Variants in GSE1 observed in about 807,000 individuals in gnomAD.
GSE1 encodes Gse1 coiled-coil protein, also known as genetic suppressor element 1.
A neutral mutation model predicts 112.6 loss-of-function variants in GSE1; 32 were observed. That is an observed-to-expected ratio of 0.28 (90% CI 0.21 to 0.38). The LOEUF is 0.38. GSE1 is among the 10% of genes least tolerant of loss of function. The probability of loss-of-function intolerance (pLI) is 1.00; values close to 1 mark genes in which losing one functional copy is unlikely to be tolerated. For synonymous variants in GSE1, 1,115 were observed against 735.6 expected (o/e 1.52, Z -8.35); for missense variants, 2,348 against 1,699.2 (o/e 1.38, Z -6.71).
chr16:85,658,644 C>G (rs895184670), intron 8 of GSE1, among the ~76,000 whole-genome samples: 1 of 152,204 alleles, frequency 6.6e-6, no homozygotes, highest in African/African-American at 2.4e-5. Flanking sequence ...GTGGCTCACA[C>G]TGCCCGGCAC....
At chr16:85,342,227 A>G (rs2046638956) in intron 1 of GSE1, among the ~76,000 whole-genome samples, 1 of 152,202 alleles carries the variant, frequency 6.6e-6, no homozygotes, top group Non-Finnish European at 1.5e-5. Context: ...CACTGTAGCC[A>G]GTGCATCCGG....
chr16:85,218,089 A>G (rs1458695178), intron 1 of GSE1, among the ~76,000 whole-genome samples: 1 of 151,918 alleles, frequency 6.6e-6, no homozygotes, highest in Non-Finnish European at 1.5e-5. Context: ...TTTAGTAGAG[A>G]TGGGGTTTCA....
intron 2 of GSE1, among the ~76,000 whole-genome samples, chr16:85,503,959 C>G (rs1410479221): frequency 6.6e-6 from 1 of 152,172 alleles, no homozygotes; most frequent in East Asian, 1.9e-4. Flanking sequence ...TTTTTGCTCC[C>G]TTCATTAGGA....
chr16:85,331,543 G>GTGTATATGTGTGTATATA (rs1555563812), intron 1 of GSE1, among the ~76,000 whole-genome samples: 4 of 126,276 alleles, frequency 3.2e-5, no homozygotes, highest in Admixed American at 8.8e-5. Flanking sequence ...ATGTGTATAT[G>GTGTATATGTGTGTATATA]TGTGTATATA....
intron 1 of GSE1, among the ~76,000 whole-genome samples, chr16:85,340,485 C>CA (rs904253078): frequency 9.9e-5 from 15 of 152,020 alleles, no homozygotes; most frequent in South Asian, 2.1e-4. Context: ...ACTAAAAATA[C>CA]AAAAAATTAG....
chr16:85,438,408 G>A (rs928999310), intron 2 of GSE1, among the ~76,000 whole-genome samples: 5 of 152,188 alleles, frequency 3.3e-5, no homozygotes, highest in South Asian at 2.1e-4. Flanking sequence ...CTTGGTACCC[G>A]CGCCTGCCCA....
At chr16:85,399,740 C>T (rs531845044) in intron 2 of GSE1, among the ~76,000 whole-genome samples, 2 of 152,282 alleles carry the variant, frequency 1.3e-5, no homozygotes, top group East Asian at 3.9e-4. Context: ...CTACACTTGG[C>T]GGGGTGCACA....
intron 2 of GSE1, among the ~76,000 whole-genome samples, chr16:85,414,581 G>A (rs1312953296): frequency 2.0e-5 from 3 of 152,232 alleles, no homozygotes; most frequent in African/African-American, 7.2e-5. Flanking sequence ...CTTTGGAGAA[G>A]GGAGACAGCA....
intron 2 of GSE1, among the ~76,000 whole-genome samples, chr16:85,536,901 C>A (rs1198738459): frequency 6.6e-6 from 1 of 152,200 alleles, no homozygotes; most frequent in Admixed American, 6.5e-5. Flanking sequence ...TGGAATGGAA[C>A]CGGCGAGGAA....
At chr16:85,271,212 C>T (rs1200576878) in intron 1 of GSE1, among the ~76,000 whole-genome samples, 4 of 152,126 alleles carry the variant, frequency 2.6e-5, no homozygotes, top group South Asian at 4.2e-4. Context: ...ATGTCTCTCA[C>T]GGTGGGTCCC....
chr16:85,354,770 C>A (rs997725941), intron 1 of GSE1, among the ~76,000 whole-genome samples: 3 of 152,250 alleles, frequency 2.0e-5, no homozygotes, highest in Non-Finnish European at 4.4e-5. Flanking sequence ...CTGGCTGGAG[C>A]TGCCGTCTGT....
chr16:85,388,304 A>G (rs868053372), intron 2 of GSE1, among the ~76,000 whole-genome samples: 1 of 40,070 alleles, frequency 2.5e-5, no homozygotes, highest in Non-Finnish European at 5.7e-5. Flanking sequence ...GGATGGATGG[A>G]TGGATGGATG....
chr16:85,181,867 C>T (rs2074593071), intron 1 of GSE1, among the ~76,000 whole-genome samples: 2 of 152,174 alleles, frequency 1.3e-5, no homozygotes, highest in Admixed American at 1.3e-4. Context: ...GAGAGCATGG[C>T]GGGGCCTTGC....
At chr16:85,647,505 C>G (rs2050973233) in intron 2 of GSE1, among the ~76,000 whole-genome samples, 1 of 152,220 alleles carries the variant, frequency 6.6e-6, no homozygotes, top group Non-Finnish European at 1.5e-5. Context: ...CCGTGGGTCA[C>G]CCTGAATGGC....
chr16:85,256,038 G>A (rs537007947), intron 1 of GSE1, among the ~76,000 whole-genome samples: 39 of 152,310 alleles, frequency 2.6e-4, no homozygotes, highest in Middle Eastern at 6.8e-3. Context: ...CTTAACCTCC[G>A]TGTGCCTCAG....
At chr16:85,410,388 A>C (rs1347766496) in intron 2 of GSE1, among the ~76,000 whole-genome samples, 1 of 27,432 alleles carries the variant, frequency 3.6e-5, no homozygotes, top group Admixed American at 3.8e-4. Flanking sequence ...TCACTTTTAC[A>C]CTCAGGCCCC....
chr16:85,668,822 C>G (rs2053095688), intron 14 of GSE1, among the ~76,000 whole-genome samples: 2 of 152,250 alleles, frequency 1.3e-5, no homozygotes, highest in African/African-American at 4.8e-5. Context: ...TGCCTAGTGA[C>G]AGACTCCCCA....
chr16:85,498,827 A>T (rs915783834), intron 2 of GSE1, among the ~76,000 whole-genome samples: 4 of 152,212 alleles, frequency 2.6e-5, no homozygotes, highest in Non-Finnish European at 4.4e-5. Flanking sequence ...TTGAAGGAAC[A>T]GCTGTCTGGC....
rs1567636430 is a variant in GSE1 at position 85,246,498 on chromosome 16, A to ACCCCCCCCCCCCC, written c.2283+74692_2283+74693insCCCCCCCCCCCCC. Among the ~76,000 whole-genome samples, 47 of 31,528 alleles carry ACCCCCCCCCCCCC rather than the reference A, an allele frequency of 1.5e-3. 3 individuals are homozygous for ACCCCCCCCCCCCC. Among genetic ancestry groups the ACCCCCCCCCCCCC allele is most frequent in the African/African-American group, 2.4e-3 (22 of 9,248 alleles). The allele number at this position is 31,528 out of a possible 152,430, so 20.7% of individuals were successfully genotyped here. A position where few individuals can be genotyped will look rare whatever the true frequency, so the allele number is the denominator to read the frequency against. On this transcript the variant is annotated intron_variant, in intron 1 of 2. Coordinates refer to the GSE1 transcript ENST00000637419. The stretch of plus-strand genomic sequence containing the variant: ...ACACACACACACACACACACTCTAC[A>ACCCCCCCCCCCCC]CACCCCCCCCCCCCCGACGCTGTCT...
Sources: gnomAD v4.1 joint callset for allele counts (sites outside exome capture counted in the v4.1 genomes callset) on GRCh38, gnomAD v4.1.1 for gene constraint, MANE v1.5 for transcripts, NCBI Gene and HGNC (gene_info 2026-07-23, HGNC 2026-07-21) for gene names.